SUGCT: variants seen among roughly 807,000 people sequenced by gnomAD.
SUGCT encodes the protein succinyl-CoA:glutarate-CoA transferase.
In SUGCT, 41 loss-of-function variants were observed where a neutral mutation model predicts 55.0. The ratio of observed to expected loss-of-function variants is 0.74; its 90% CI spans 0.58 to 0.97. The LOEUF (loss-of-function observed/expected upper bound fraction) is 0.97. Ranked by LOEUF, SUGCT falls within the 50% of genes least tolerant of loss-of-function variation. SUGCT has a pLI of 0.00. For synonymous variants in SUGCT, 187 were observed against 200.4 expected (o/e 0.93, Z 0.56); for missense variants, 568 against 547.8 (o/e 1.04, Z -0.37).
chr7:40,888,374 C>T, the SUGCT span, among the ~76,000 whole-genome samples: 3 of 151,678 alleles, frequency 2.0e-5, no homozygotes, highest in African/African-American at 7.3e-5. Flanking sequence ...TCACTTGAAC[C>T]CGGGAAGCGA....
the SUGCT span, among the ~76,000 whole-genome samples, chr7:40,981,962 A>G: frequency 0.32 from 48,999 of 152,156 alleles, 9,784 homozygotes; most frequent in Admixed American, 0.5. Context: ...CTTGTGTTTG[A>G]CCAAATGTCT....
intron 8 of SUGCT, among the ~76,000 whole-genome samples, chr7:40,312,595 A>G (rs1795219042): frequency 2.6e-5 from 4 of 152,228 alleles, no homozygotes; most frequent in African/African-American, 7.2e-5. Context: ...TAGCTTTGAC[A>G]TCTTACAATT....
At chr7:40,536,392 G>A (rs745609664) in intron 12 of SUGCT, among the ~76,000 whole-genome samples, 19 of 152,208 alleles carry the variant, frequency 1.2e-4, no homozygotes, top group Non-Finnish European at 2.5e-4. Context: ...CTGAAGGTAC[G>A]GGGACAGAAA....
chr7:40,682,860 C>T (rs1217994499), intron 12 of SUGCT, among the ~76,000 whole-genome samples: 18 of 152,026 alleles, frequency 1.2e-4, no homozygotes, highest in Admixed American at 1.2e-3. Context: ...ATATTTATCT[C>T]ATTCCATTCT....
intron 13 of SUGCT, among the ~76,000 whole-genome samples, chr7:40,779,179 C>T (rs554421376): frequency 6.6e-6 from 1 of 152,202 alleles, no homozygotes; most frequent in Admixed American, 6.5e-5. Context: ...TGGGAATCAA[C>T]TCCCCTCAAT....
At chr7:40,890,293 A>T in the SUGCT span, among the ~76,000 whole-genome samples, 1 of 132,856 alleles carries the variant, frequency 7.5e-6, no homozygotes. Context: ...TTTATATTAT[A>T]TAATATAAAT....
intron 9 of SUGCT, among the ~76,000 whole-genome samples, chr7:40,378,532 G>A (rs1002561272): frequency 6.6e-6 from 1 of 152,130 alleles, no homozygotes; most frequent in Non-Finnish European, 1.5e-5. Flanking sequence ...GAGTGCAGTG[G>A]CACTGTCCCA....
At chr7:40,405,215 G>A (rs1186484598) in intron 9 of SUGCT, among the ~76,000 whole-genome samples, 3 of 152,186 alleles carry the variant, frequency 2.0e-5, no homozygotes, top group African/African-American at 7.2e-5. Flanking sequence ...GCTGGAAGAA[G>A]TAAGAGAGAC....
intron 9 of SUGCT, among the ~76,000 whole-genome samples, chr7:40,406,146 G>A (rs1486299503): frequency 6.6e-6 from 1 of 152,166 alleles, no homozygotes; most frequent in East Asian, 1.9e-4. Context: ...ATCATAGGGA[G>A]CTGAAGCTGT....
At chr7:40,562,870 A>G (rs1294911320) in intron 12 of SUGCT, among the ~76,000 whole-genome samples, 1 of 152,232 alleles carries the variant, frequency 6.6e-6, no homozygotes, top group Non-Finnish European at 1.5e-5. Flanking sequence ...TAAGAGGAAG[A>G]AAATGAGTTC....
At chr7:40,738,555 A>G (rs1277423433) in intron 12 of SUGCT, among the ~76,000 whole-genome samples, 1 of 152,208 alleles carries the variant, frequency 6.6e-6, no homozygotes, top group African/African-American at 2.4e-5. Flanking sequence ...TAGCTTTAGT[A>G]ATGTTAGATG....
intron 9 of SUGCT, among the ~76,000 whole-genome samples, chr7:40,377,204 T>TTTC (rs1554326875): frequency 0.05 from 586 of 11,824 alleles, 173 homozygotes; most frequent in Non-Finnish European, 0.11. Context: ...CTTTCTTTTC[T>TTTC]TTTCTTTTCT....
At chr7:40,751,195 G>T (rs1787993050) in intron 13 of SUGCT, among the ~76,000 whole-genome samples, 1 of 152,104 alleles carries the variant, frequency 6.6e-6, no homozygotes, top group African/African-American at 2.4e-5. Context: ...CCAGCAGAGG[G>T]AACAGCATGG....
chr7:40,811,442 T>C (rs1451352790), intron 13 of SUGCT, among the ~76,000 whole-genome samples: 1 of 152,194 alleles, frequency 6.6e-6, no homozygotes, highest in Admixed American at 6.5e-5. Flanking sequence ...ATGATTTCTT[T>C]TAGCACTGTT....
chr7:40,914,723 C>T, the SUGCT span, among the ~76,000 whole-genome samples: 1 of 152,152 alleles, frequency 6.6e-6, no homozygotes, highest in Admixed American at 6.5e-5. Flanking sequence ...TATCTCAGAC[C>T]TCAAACCATA....
At position 40,289,922 on chromosome 7, in the gene SUGCT, A is replaced by C. The variant is rs1584583216; in HGVS notation, c.720+15266A>C. Among the ~76,000 whole-genome samples, 3 of 152,214 alleles carry C rather than the reference A, an allele frequency of 2.0e-5. No homozygotes were observed. The South Asian group carries it at 6.2e-4, about 32-fold the overall frequency. On this transcript the variant is annotated intron_variant, in intron 8 of 13. Transcript: ENST00000335693. ...CATTCACAATTGCTTCGAAGAGAAT[A>C]AAATACCTAGGAATCCAACTTACAA...
chr7:41,019,062 T>A, the SUGCT span, among the ~76,000 whole-genome samples: 13,910 of 151,868 alleles, frequency 0.092, 1,282 homozygotes, highest in African/African-American at 0.23. Context: ...CCTGCCACCA[T>A]GCCCAGCTAA....
chr7:41,002,890 C>T, the SUGCT span, among the ~76,000 whole-genome samples: 7 of 152,018 alleles, frequency 4.6e-5, no homozygotes, highest in African/African-American at 1.7e-4. Context: ...ACATAATTCA[C>T]GCCTTATGGG....
At chr7:40,891,354 C>T in the SUGCT span, among the ~76,000 whole-genome samples, 2 of 152,236 alleles carry the variant, frequency 1.3e-5, no homozygotes, top group Non-Finnish European at 2.9e-5. Flanking sequence ...CACTGAGACA[C>T]ATTATAATTA....
Sources: gnomAD v4.1 joint callset for allele counts (sites outside exome capture counted in the v4.1 genomes callset) on GRCh38, gnomAD v4.1.1 for gene constraint, MANE v1.5 for transcripts, NCBI Gene and HGNC (gene_info 2026-07-23, HGNC 2026-07-21) for gene names.